The following DOCK9 variants were observed in gnomAD, a reference collection of about 807,000 sequenced individuals.
The protein encoded by DOCK9 is dedicator of cytokinesis 9.
In DOCK9, 89 loss-of-function variants were observed where a neutral mutation model predicts 263.3. The ratio of observed to expected loss-of-function variants is 0.34; its 90% CI spans 0.28 to 0.40. The LOEUF (loss-of-function observed/expected upper bound fraction) is 0.40, where lower values mean the gene tolerates loss of function less well. Ranked by LOEUF, DOCK9 falls within the 10% of genes least tolerant of loss-of-function variation. The pLI is 1.00. For synonymous variants in DOCK9, 976 were observed against 973.1 expected (o/e 1.00, Z -0.06); for missense variants, 2,140 against 2,603.4 (o/e 0.82, Z 3.87).
chr13:99,054,756 A>C (rs1441143079), intron 1 of DOCK9, among the ~76,000 whole-genome samples: 3 of 152,238 alleles, frequency 2.0e-5, no homozygotes, highest in African/African-American at 7.2e-5. Context: ...TATCACCAGC[A>C]AATCAAGCAC....
chr13:98,883,708 G>T, intron 22 of DOCK9, 105 bp downstream of exon 22: 1 of 661,652 alleles, frequency 1.5e-6, no homozygotes, highest in Admixed American at 3.3e-5. Context: ...GATCTATAGA[G>T]TAAAAATATA....
intron 37 of DOCK9, among the ~76,000 whole-genome samples, chr13:98,847,899 G>A (rs2093436852): frequency 6.6e-6 from 1 of 152,206 alleles, no homozygotes. Context: ...GAAGAACTTG[G>A]TAAGGACAAG....
intron 33 of DOCK9, chr13:98,857,323 T>TA (rs2093731038): frequency 6.6e-6 from 1 of 152,176 alleles, no homozygotes; most frequent in Non-Finnish European, 1.5e-5. Context: ...ACTTCTAAGT[T>TA]AAAAAATAAA....
chr13:99,001,165 C>T (rs1018725115), intron 1 of DOCK9, among the ~76,000 whole-genome samples: 2 of 152,198 alleles, frequency 1.3e-5, no homozygotes, highest in African/African-American at 2.4e-5. Context: ...GAACTCACTT[C>T]GCAAGTAGTA....
chr13:98,868,856 C>G (rs1191764551), intron 27 of DOCK9, among the ~76,000 whole-genome samples: 1 of 152,192 alleles, frequency 6.6e-6, no homozygotes, highest in South Asian at 2.1e-4. Context: ...TGTTCAAATA[C>G]TTCAAATAAG....
At chr13:98,860,147 C>A (rs182625976) in intron 33 of DOCK9, 1 of 1,296,780 alleles carries the variant, frequency 7.7e-7, no homozygotes, top group Non-Finnish European at 9.9e-7. Flanking sequence ...ACTCAACAAA[C>A]GTTGAACAAA....
At chr13:98,812,076 C>G (rs907427555) in intron 45 of DOCK9, among the ~76,000 whole-genome samples, 2 of 144,760 alleles carry the variant, frequency 1.4e-5, no homozygotes, top group African/African-American at 5.2e-5. Context: ...TTTCTGGACT[C>G]TCTGTTTTGT....
chr13:98,824,359 C>G, intron 45 of DOCK9, 39 bp downstream of exon 45: 1 of 1,589,090 alleles, frequency 6.3e-7, no homozygotes, highest in Middle Eastern at 1.8e-4. Flanking sequence ...CTCCCAGATA[C>G]CCCAGTACCT....
upstream of DOCK9, among the ~76,000 whole-genome samples, chr13:99,086,967 AGGGTTTCCTGCCCAG>A (rs2042362483): frequency 6.6e-6 from 1 of 151,998 alleles, no homozygotes; most frequent in Non-Finnish European, 1.5e-5. Flanking sequence ...GTTTCGGAGC[AGGGTTTCCTGCCCAG>A]GGAGCCCGGC....
intron 1 of DOCK9, among the ~76,000 whole-genome samples, chr13:99,057,335 C>T (rs768827510): frequency 3.3e-5 from 5 of 152,102 alleles, no homozygotes; most frequent in Non-Finnish European, 7.4e-5. Context: ...ACATATTGGG[C>T]CTGAAATCTT....
intron 39 of DOCK9, among the ~76,000 whole-genome samples, chr13:98,836,806 G>A (rs2093017696): frequency 6.6e-6 from 1 of 152,126 alleles, no homozygotes; most frequent in African/African-American, 2.4e-5. Context: ...AATGACTTGG[G>A]TCCTATTTCC....
intron 1 of DOCK9, among the ~76,000 whole-genome samples, chr13:99,078,735 G>C (rs2142448236): frequency 6.6e-6 from 1 of 152,306 alleles, no homozygotes; most frequent in South Asian, 2.1e-4. Context: ...ATATACAACA[G>C]GAAGAAAAAG....
intron 2 of DOCK9, among the ~76,000 whole-genome samples, chr13:98,940,389 A>C (rs1295326756): frequency 1.3e-5 from 2 of 152,072 alleles, no homozygotes; most frequent in African/African-American, 4.8e-5. Flanking sequence ...AAACATTACA[A>C]GGGCTGAGTT....
chr13:98,951,574 C>T (rs2057412375), intron 2 of DOCK9, among the ~76,000 whole-genome samples: 1 of 152,294 alleles, frequency 6.6e-6, no homozygotes, highest in Admixed American at 6.5e-5. Context: ...CGTGAACAGC[C>T]AAGACCACAT....
At chr13:98,955,178 C>T (rs1377720859) in intron 2 of DOCK9, among the ~76,000 whole-genome samples, 2 of 152,070 alleles carry the variant, frequency 1.3e-5, no homozygotes, top group East Asian at 3.9e-4. Flanking sequence ...ATTAGCCAGG[C>T]ATGGTGGCAC....
chr13:98,995,301 G>A (rs964107064), intron 1 of DOCK9, among the ~76,000 whole-genome samples: 12 of 152,288 alleles, frequency 7.9e-5, no homozygotes, highest in African/African-American at 2.6e-4. Context: ...CTGGAAGGAA[G>A]GAGTATTGGG....
At chr13:98,945,080 T>C (rs1435051119) in intron 2 of DOCK9, among the ~76,000 whole-genome samples, 7 of 152,206 alleles carry the variant, frequency 4.6e-5, no homozygotes, top group Non-Finnish European at 1.0e-4. Flanking sequence ...TGTTTGTAAA[T>C]CACTTCCTTT....
intron 32 of DOCK9, 80 bp from the exon 33 acceptor site, chr13:98,860,602 G>C (rs951905452): frequency 2.9e-6 from 4 of 1,373,170 alleles, no homozygotes; most frequent in Non-Finnish European, 4.0e-6. Flanking sequence ...GCCAGGGCAA[G>C]TGCAGGACCA....
chr13:98,953,027 TAGAA>T (rs1437135573), intron 2 of DOCK9, among the ~76,000 whole-genome samples: 2 of 152,208 alleles, frequency 1.3e-5, no homozygotes, highest in Admixed American at 6.5e-5. Flanking sequence ...AAAACACAGA[TAGAA>T]AGAATCTGTG....
Sources: gnomAD v4.1 joint callset for allele counts (sites outside exome capture counted in the v4.1 genomes callset) on GRCh38, gnomAD v4.1.1 for gene constraint, MANE v1.5 for transcripts, NCBI Gene and HGNC (gene_info 2026-07-23, HGNC 2026-07-21) for gene names.